Variants in GALNTL6 observed in about 807,000 individuals in gnomAD.
The protein encoded by GALNTL6 is polypeptide N-acetylgalactosaminyltransferase like 6.
Under a neutral mutation model 73.7 loss-of-function variants are expected in GALNTL6, and 46 were observed. That is an observed-to-expected ratio of 0.62 (90% CI 0.49 to 0.80). GALNTL6 has a LOEUF of 0.80. Ranked by LOEUF, GALNTL6 falls within the 30% of genes least tolerant of loss-of-function variation. GALNTL6 has a pLI of 0.00. For synonymous variants in GALNTL6, 259 were observed against 263.7 expected (o/e 0.98, Z 0.17); for missense variants, 604 against 755.0 (o/e 0.80, Z 2.34).
intron 5 of GALNTL6, among the ~76,000 whole-genome samples, chr4:172,540,673 A>C (rs1735520240): frequency 6.6e-6 from 1 of 152,182 alleles, no homozygotes; most frequent in Non-Finnish European, 1.5e-5. Flanking sequence ...CAGCCCAAAA[A>C]GGTGCCACAT....
At chr4:172,698,462 T>C (rs1733823005) in intron 5 of GALNTL6, among the ~76,000 whole-genome samples, 1 of 152,140 alleles carries the variant, frequency 6.6e-6, no homozygotes, top group Non-Finnish European at 1.5e-5. Context: ...TTGGACAGGA[T>C]CCAAGGCTTC....
At chr4:172,622,694 A>G (rs1739010701) in intron 5 of GALNTL6, among the ~76,000 whole-genome samples, 1 of 152,166 alleles carries the variant, frequency 6.6e-6, no homozygotes, top group South Asian at 2.1e-4. Context: ...GAACTCACTG[A>G]GAAAACAGTC....
intron 5 of GALNTL6, among the ~76,000 whole-genome samples, chr4:172,636,666 C>T (rs998324527): frequency 7.9e-5 from 12 of 152,146 alleles, no homozygotes; most frequent in African/African-American, 1.7e-4. Flanking sequence ...CCCTGCTTGC[C>T]CATTTTGGAT....
At chr4:172,598,385 A>G (rs1287373512) in intron 5 of GALNTL6, among the ~76,000 whole-genome samples, 5 of 152,176 alleles carry the variant, frequency 3.3e-5, no homozygotes, top group Admixed American at 3.3e-4. Flanking sequence ...CATTCATAAC[A>G]GCAAAATATA....
intron 5 of GALNTL6, among the ~76,000 whole-genome samples, chr4:172,493,606 AC>A (rs2110754173): frequency 6.6e-6 from 1 of 152,228 alleles, no homozygotes; most frequent in South Asian, 2.1e-4. Context: ...ATTATTCATA[AC>A]CTTAACTGAC....
At chr4:172,589,833 C>G (rs1444676323) in intron 5 of GALNTL6, among the ~76,000 whole-genome samples, 1 of 152,116 alleles carries the variant, frequency 6.6e-6, no homozygotes, top group Non-Finnish European at 1.5e-5. Flanking sequence ...CATGCAGTCT[C>G]TCTCTCTCTC....
At chr4:171,848,032 G>A (rs4395465) in intron 2 of GALNTL6, among the ~76,000 whole-genome samples, 3,744 of 152,260 alleles carry the variant, frequency 0.025, 77 homozygotes, top group Non-Finnish European at 0.036. Flanking sequence ...GTCTATGGCA[G>A]CAACAGCCTT....
At chr4:172,481,737 A>G (rs999659539) in intron 5 of GALNTL6, among the ~76,000 whole-genome samples, 20 of 152,222 alleles carry the variant, frequency 1.3e-4, no homozygotes, top group African/African-American at 4.8e-4. Flanking sequence ...AGCTAGACAC[A>G]GAGTGCTGAT....
chr4:172,931,132 T>C, intron 8 of GALNTL6, 29 bp from the exon 9 acceptor site: 1 of 1,170,190 alleles, frequency 8.5e-7, no homozygotes, highest in South Asian at 1.2e-5. Context: ...AATTCACTGT[T>C]GTCTTTTGTT....
At chr4:172,628,270 C>G (rs1739249292) in intron 5 of GALNTL6, among the ~76,000 whole-genome samples, 1 of 152,064 alleles carries the variant, frequency 6.6e-6, no homozygotes, top group Non-Finnish European at 1.5e-5. Context: ...CTGATAACAT[C>G]TTGTCTGTTA....
Position 172,813,592 on chromosome 4 carries a change from T to C in GALNTL6, c.792T>C (p.Ile264=), listed in dbSNP as rs775739277. The part of the protein sequence containing the change: ...KTIVCPMIDV[I]DHNHFGYEAQ... ...TCGTGTGTCCCATGATCGATGTCATTGACCACAATCACTTCGGGTATGAGG... is the reference window on the plus strand; with the variant it reads ...TCGTGTGTCCCATGATCGATGTCATCGACCACAATCACTTCGGGTATGAGG... The change falls in exon 7 of 13, where the codon ATT becomes ATC. Residue 264 remains isoleucine (I), a synonymous_variant. Transcript: ENST00000506823. 1 of 1,613,084 alleles carries C rather than the reference T, an allele frequency of 6.2e-7. No individual in the cohort carries two copies. Among genetic ancestry groups the C allele is most frequent in the Non-Finnish European group, 8.5e-7 (1 of 1,179,266 alleles).
intron 5 of GALNTL6, among the ~76,000 whole-genome samples, chr4:172,445,058 A>G (rs950222958): frequency 1.3e-5 from 2 of 152,294 alleles, no homozygotes; most frequent in Non-Finnish European, 2.9e-5. Flanking sequence ...CATCAAAATT[A>G]GCAAGAGGCA....
chr4:172,723,683 T>A (rs1450260798), intron 5 of GALNTL6, among the ~76,000 whole-genome samples: 2 of 152,148 alleles, frequency 1.3e-5, no homozygotes, highest in Admixed American at 1.3e-4. Context: ...TCAACCATAT[T>A]TTTTGGCAGA....
intron 9 of GALNTL6, among the ~76,000 whole-genome samples, chr4:172,942,288 G>T (rs887376223): frequency 3.2e-4 from 49 of 152,134 alleles, no homozygotes; most frequent in Admixed American, 3.2e-3. Context: ...GAAAGTCTGG[G>T]AAATAAAACA....
At chr4:172,069,486 CACATATGTTATATGTATA>C (rs1560909373) in intron 2 of GALNTL6, among the ~76,000 whole-genome samples, 4 of 32,512 alleles carry the variant, frequency 1.2e-4, no homozygotes, top group Admixed American at 3.2e-4. Context: ...TTATATATAA[CACATATGTTATATGTATA>C]ACACATATAT....
chr4:172,295,526 T>C (rs934602626), intron 3 of GALNTL6, among the ~76,000 whole-genome samples: 1 of 133,932 alleles, frequency 7.5e-6, no homozygotes, highest in Non-Finnish European at 1.5e-5. Context: ...CTTTTCTTTT[T>C]TTAGGTTTTT....
chr4:171,849,520 T>C (rs1437338960), intron 2 of GALNTL6, among the ~76,000 whole-genome samples: 1 of 152,224 alleles, frequency 6.6e-6, no homozygotes, highest in Non-Finnish European at 1.5e-5. Flanking sequence ...CTTTAAGTCA[T>C]CTACATTTGA....
At chr4:171,863,088 A>G (rs911311455) in intron 2 of GALNTL6, among the ~76,000 whole-genome samples, 5 of 152,168 alleles carry the variant, frequency 3.3e-5, no homozygotes, top group African/African-American at 9.6e-5. Context: ...ACTGAAAACT[A>G]ACTAGCATTG....
At chr4:172,249,697 G>A (rs945402388) in intron 3 of GALNTL6, among the ~76,000 whole-genome samples, 2 of 152,152 alleles carry the variant, frequency 1.3e-5, no homozygotes, top group Non-Finnish European at 2.9e-5. Context: ...AAGATACAAT[G>A]GGGGCCATTG....
Sources: allele counts gnomAD v4.1 joint callset (sites outside exome capture counted in the v4.1 genomes callset), GRCh38; gene constraint gnomAD v4.1.1; transcripts MANE v1.5; gene names NCBI Gene and HGNC (gene_info 2026-07-23, HGNC 2026-07-21).